Variants in REV1 observed in about 807,000 individuals in gnomAD.
REV1 encodes the protein REV1 DNA directed polymerase.
REV1 carries 42 observed loss-of-function variants against 137.4 expected under a neutral mutation model. That is an observed-to-expected ratio of 0.31 (90% CI 0.24 to 0.40). The LOEUF (loss-of-function observed/expected upper bound fraction) is 0.40, where lower values mean the gene tolerates loss of function less well. Among genes scored for constraint, REV1 ranks in the 10% least tolerant of loss-of-function variants. The pLI, the probability that REV1 is intolerant of heterozygous loss-of-function variation, is 1.00. For synonymous variants in REV1, 524 were observed against 519.2 expected, an observed-to-expected ratio of 1.01 and a Z score of -0.12; for missense variants, 1,282 against 1,490.1, an observed-to-expected ratio of 0.86 and a Z score of 2.30.
At position 99,424,407 on chromosome 2, in the gene REV1, G is replaced by T. The variant is rs745666361; in HGVS notation, c.1548-127C>A. The T allele has an allele frequency of 8.0e-6, 8 of 1,005,600 alleles. No individual in the cohort carries two copies. In the Middle Eastern group the frequency reaches 6.4e-4, roughly 81 times the overall value. The allele number at this position is 1,005,600 out of a possible 1,614,324, so 62.3% of individuals were successfully genotyped here. On this transcript the variant is annotated intron_variant, in intron 9 of 22. Coordinates refer to ENST00000258428, the MANE Select transcript of REV1 (RefSeq NM_016316.4). Reference sequence around the variant, plus strand: ...TCCACTTAACTCCATTCTCATTAGGGATTAAAGATAGGCATTAAAATTTAC... The same window carrying T: ...TCCACTTAACTCCATTCTCATTAGGTATTAAAGATAGGCATTAAAATTTAC...
At chr2:99,465,068 T>C in intron 1 of REV1, 83 bp from the exon 2 acceptor site, 1 of 1,190,500 alleles carries the variant, frequency 8.4e-7, no homozygotes, top group Non-Finnish European at 1.2e-6. Flanking sequence ...ATCAAGAAAA[T>C]GAGAAATTAA....
intron 3 of REV1, among the ~76,000 whole-genome samples, chr2:99,455,455 A>G (rs1165518882): frequency 1.3e-5 from 2 of 152,200 alleles, no homozygotes; most frequent in African/African-American, 4.8e-5. Context: ...CCACGGATAC[A>G]CTCAACCAAA....
At chr2:99,411,788 G>A (rs1029130609) in intron 13 of REV1, among the ~76,000 whole-genome samples, 2 of 151,928 alleles carry the variant, frequency 1.3e-5, no homozygotes, top group Non-Finnish European at 2.9e-5. Flanking sequence ...CTAATAAAAT[G>A]TGTGTTCCAA....
At chr2:99,423,010 T>G (rs1678880226) in intron 10 of REV1, among the ~76,000 whole-genome samples, 1 of 152,214 alleles carries the variant, frequency 6.6e-6, no homozygotes, top group African/African-American at 2.4e-5. Flanking sequence ...GATTTATTTA[T>G]TTAGTTACCC....
Position 99,434,405 on chromosome 2 carries a change from T to C in REV1, c.1365A>G (p.Ala455=). The stretch of plus-strand genomic sequence containing the variant: ...GGGGGTTAGCGCCAGGACGTAAAGG[T>C]GCCCTTCCTGTGCCTCTGTTACTTG... ...AVTSNRGTGR[A]PLRPGANPQL... Residue 455 remains alanine, a synonymous_variant, in exon 8 of 23, where the codon GCA becomes GCG. Transcript: ENST00000258428. 1 of 1,604,540 alleles carries C rather than the reference T, an allele frequency of 6.2e-7. No homozygotes were observed.
chr2:99,446,558 G>GCC (rs1682240426), intron 4 of REV1, among the ~76,000 whole-genome samples: 1 of 152,082 alleles, frequency 6.6e-6, no homozygotes, highest in African/African-American at 2.4e-5. Context: ...GTACTGGCGT[G>GCC]ATCTCGGCTC....
At chr2:99,468,388 G>C (rs1242210995) in intron 1 of REV1, among the ~76,000 whole-genome samples, 3 of 152,130 alleles carry the variant, frequency 2.0e-5, no homozygotes, top group East Asian at 3.9e-4. Context: ...ACCACTACTT[G>C]ACAGAAATAT....
At chr2:99,458,731 CAG>C (rs748696275) in intron 3 of REV1, among the ~76,000 whole-genome samples, 7 of 152,284 alleles carry the variant, frequency 4.6e-5, no homozygotes, top group Non-Finnish European at 1.0e-4. Flanking sequence ...GATGACCTGA[CAG>C]ATAATTTATG....
chr2:99,432,583 G>A (rs1055401134), intron 8 of REV1, among the ~76,000 whole-genome samples: 1 of 152,112 alleles, frequency 6.6e-6, no homozygotes, highest in Non-Finnish European at 1.5e-5. Context: ...ACGTGAAAAG[G>A]CTTAGGATAT....
intron 1 of REV1, among the ~76,000 whole-genome samples, chr2:99,482,862 C>T (rs1173349816): frequency 2.0e-5 from 3 of 151,898 alleles, no homozygotes; most frequent in Non-Finnish European, 4.4e-5. Flanking sequence ...ACTAAAAATA[C>T]AAAACCCAGC....
rs1677366997 is a variant in REV1, at chr2:99,412,863, T to C, written c.2040A>G (p.Gln680=). 1 of 1,614,174 alleles carries C rather than the reference T, an allele frequency of 6.2e-7. No homozygotes were observed. Among genetic ancestry groups the C allele is most frequent in the African/African-American group, 1.3e-5 (1 of 75,062 alleles). ...DLQYMTMAKL[Q]KEFGPKTGQM... Reference sequence around the variant, plus strand: ...GACCTGTTTTGGGACCAAATTCTTTTTGGAGTTTTGCCATGGTCATATACT... The same window carrying C: ...GACCTGTTTTGGGACCAAATTCTTTCTGGAGTTTTGCCATGGTCATATACT... The change falls in exon 13 of 23, where the codon CAA becomes CAG. Residue 680 remains glutamine, a synonymous_variant. Transcript: ENST00000258428.
chr2:99,476,297 CCTGT>C (rs1685966810), intron 1 of REV1, among the ~76,000 whole-genome samples: 2 of 152,142 alleles, frequency 1.3e-5, no homozygotes, highest in African/African-American at 4.8e-5. Context: ...GTGACTCACG[CCTGT>C]AATCCCAACA....
chr2:99,484,263 A>G (rs987577504), intron 1 of REV1, among the ~76,000 whole-genome samples: 73 of 152,318 alleles, frequency 4.8e-4, no homozygotes, highest in African/African-American at 1.6e-3. Flanking sequence ...CAGAAAAAGT[A>G]ACTATTGTGT....
Position 99,434,406 on chromosome 2 carries a change from G to A in REV1, c.1364C>T (p.Ala455Val). 6.2e-7 allele frequency: 1 copy of A among 1,603,994 alleles called. No homozygotes were observed. Among genetic ancestry groups the A allele is most frequent in the South Asian group, 1.1e-5 (1 of 89,034 alleles). ...GGGGTTAGCGCCAGGACGTAAAGGT[G>A]CCCTTCCTGTGCCTCTGTTACTTGT... Reference protein sequence around the residue: ...AVTSNRGTGRAPLRPGANPQL... With the variant: ...AVTSNRGTGRVPLRPGANPQL... Residue 455 changes from alanine (A) to valine (V), a missense_variant, in exon 8 of 23, where the codon GCA (alanine) becomes GTA (valine). By Grantham distance (64) the Ala-to-Val change is moderately conservative. Around this residue, in one of 7 missense-constraint regions of REV1, gnomAD observed 432 missense variants for 438.0 expected, o/e 0.99. Coordinates refer to ENST00000258428, the MANE Select transcript of REV1 (RefSeq NM_016316.4).
chr2:99,445,150 G>T (rs1269289071), intron 4 of REV1, among the ~76,000 whole-genome samples: 1 of 150,892 alleles, frequency 6.6e-6, no homozygotes, highest in Non-Finnish European at 1.5e-5. Flanking sequence ...AAAACACAAG[G>T]AATGGCAAAA....
At chr2:99,468,011 T>C (rs1364625180) in intron 1 of REV1, among the ~76,000 whole-genome samples, 3 of 151,956 alleles carry the variant, frequency 2.0e-5, no homozygotes, top group Admixed American at 1.3e-4. Flanking sequence ...AGAAACCCTG[T>C]CTCTACTAAA....
chr2:99,406,225 T>G, intron 16 of REV1, 100 bp downstream of exon 16: 2 of 1,436,668 alleles, frequency 1.4e-6, no homozygotes, highest in Non-Finnish European at 1.9e-6. Context: ...GAATATAAAT[T>G]TTTAAAATCA....
intron 10 of REV1, among the ~76,000 whole-genome samples, chr2:99,422,762 C>T (rs1244522261): frequency 1.3e-5 from 2 of 152,096 alleles, no homozygotes; most frequent in Non-Finnish European, 2.9e-5. Context: ...CTACTGGGAC[C>T]GTGTGCATGT....
chr2:99,439,120 A>G lies in REV1; in HGVS notation c.694T>C (p.Ser232Pro), dbSNP rs748094066. 2 of 1,614,132 alleles carry G rather than the reference A, an allele frequency of 1.2e-6. No homozygotes were observed. Among genetic ancestry groups the G allele is most frequent in the Admixed American group, 3.3e-5 (2 of 60,012 alleles). Reference sequence around the variant, plus strand: ...TCCTGTGTCTTTAAGGCACCATTAGAGCTAGGAGTGTGTCCATTAAAAATG... The same window carrying G: ...TCCTGTGTCTTTAAGGCACCATTAGGGCTAGGAGTGTGTCCATTAAAAATG... ...TAIFNGHTPSSNGALKTQDCL... is the reference protein window; with the variant it reads ...TAIFNGHTPSPNGALKTQDCL... Residue 232 changes from serine to proline, a missense_variant, in exon 6 of 23, where the codon TCT (serine) becomes CCT (proline). By Grantham distance (74) the Ser-to-Pro change is moderately conservative. Around this residue, in one of 7 missense-constraint regions of REV1, gnomAD observed 432 missense variants for 438.0 expected, o/e 0.99. Transcript: ENST00000258428.
Sources: gnomAD v4.1 joint callset for allele counts (sites outside exome capture counted in the v4.1 genomes callset) on GRCh38, gnomAD v4.1.1 for gene constraint, gnomAD v4.1.1 regional missense constraint, MANE v1.5 for transcripts, NCBI Gene and HGNC (gene_info 2026-07-23, HGNC 2026-07-21) for gene names.